Variants in ROBO2 observed in about 807,000 individuals in gnomAD.
ROBO2 encodes the protein roundabout guidance receptor 2, also known as roundabout homolog 2.
In ROBO2, 53 loss-of-function variants were observed where a neutral mutation model predicts 160.8. The ratio of observed to expected loss-of-function variants is 0.33; its 90% confidence interval spans 0.26 to 0.41. ROBO2 has a LOEUF of 0.41. ROBO2 is among the 10% of genes least tolerant of loss of function. The pLI is 1.00. For synonymous variants in ROBO2, 664 were observed against 611.7 expected (o/e 1.09, Z -1.26); for missense variants, 1,577 against 1,722.4 (o/e 0.92, Z 1.49).
chr3:77,539,764 A>C (rs2092369136), intron 6 of ROBO2, among the ~76,000 whole-genome samples: 1 of 152,202 alleles, frequency 6.6e-6, no homozygotes, highest in African/African-American at 2.4e-5. Flanking sequence ...TAAGGAAGTC[A>C]GACATATAGG....
intron 2 of ROBO2, among the ~76,000 whole-genome samples, chr3:76,347,937 T>C (rs928474254): frequency 1.3e-5 from 2 of 152,166 alleles, no homozygotes; most frequent in Admixed American, 1.3e-4. Flanking sequence ...GATTGGACTT[T>C]CAACTATTCA....
At chr3:77,207,699 C>T (rs927752384) in intron 2 of ROBO2, among the ~76,000 whole-genome samples, 7 of 152,226 alleles carry the variant, frequency 4.6e-5, no homozygotes, top group Admixed American at 1.3e-4. Flanking sequence ...ATAGAGGTAA[C>T]GTTCCAGTGA....
At chr3:76,420,501 C>T (rs9875646) in intron 2 of ROBO2, among the ~76,000 whole-genome samples, 41,189 of 152,002 alleles carry the variant, frequency 0.27, 9,038 homozygotes, top group African/African-American at 0.6. Context: ...ATATAAGCAA[C>T]GTTTTTGATT....
At chr3:76,166,756 T>C (rs1452816810) in intron 2 of ROBO2, among the ~76,000 whole-genome samples, 2 of 152,162 alleles carry the variant, frequency 1.3e-5, no homozygotes, top group Non-Finnish European at 2.9e-5. Context: ...TTGACTCTTG[T>C]TTTAAGGAAA....
intron 2 of ROBO2, among the ~76,000 whole-genome samples, chr3:77,196,023 A>C (rs1362055511): frequency 6.6e-6 from 1 of 152,176 alleles, no homozygotes; most frequent in Non-Finnish European, 1.5e-5. Flanking sequence ...GATTCGGACT[A>C]GGGGGCATCA....
chr3:77,447,990 G>A (rs138215004), intron 2 of ROBO2, among the ~76,000 whole-genome samples: 1 of 152,186 alleles, frequency 6.6e-6, no homozygotes, highest in East Asian at 1.9e-4. Flanking sequence ...TCAAGCTATG[G>A]TAGGCAGAGC....
intron 2 of ROBO2, among the ~76,000 whole-genome samples, chr3:76,046,603 G>A (rs1211326138): frequency 6.6e-6 from 1 of 151,824 alleles, no homozygotes; most frequent in Non-Finnish European, 1.5e-5. Context: ...AGCCGAGATC[G>A]CGCCACTGCA....
intron 2 of ROBO2, among the ~76,000 whole-genome samples, chr3:76,262,603 A>G (rs1706840208): frequency 6.6e-6 from 1 of 152,090 alleles, no homozygotes; most frequent in African/African-American, 2.4e-5. Context: ...GGTTGTCCCT[A>G]AAGCTGGATG....
chr3:75,986,211 G>GTTT (rs74843598), intron 2 of ROBO2, among the ~76,000 whole-genome samples: 1 of 149,930 alleles, frequency 6.7e-6, no homozygotes, highest in East Asian at 2.0e-4. Flanking sequence ...GTTATTTTCT[G>GTTT]TTTTTTTTTA....
intron 5 of ROBO2, among the ~76,000 whole-genome samples, chr3:77,513,776 G>T (rs1244626928): frequency 1.3e-5 from 2 of 151,652 alleles, no homozygotes; most frequent in African/African-American, 2.4e-5. Context: ...TGTCACAGCT[G>T]GTTACCAATC....
At chr3:76,834,059 T>C (rs981219984) in intron 2 of ROBO2, among the ~76,000 whole-genome samples, 1 of 113,580 alleles carries the variant, frequency 8.8e-6, no homozygotes, top group Non-Finnish European at 1.8e-5. Context: ...TCTCCTTTCT[T>C]TCTTTTCTTT....
At chr3:75,957,538 A>G (rs1390530133) in intron 2 of ROBO2, among the ~76,000 whole-genome samples, 1 of 151,028 alleles carries the variant, frequency 6.6e-6, no homozygotes, top group Non-Finnish European at 1.5e-5. Flanking sequence ...TTCAGTATCC[A>G]CTTTAAAGTC....
intron 2 of ROBO2, among the ~76,000 whole-genome samples, chr3:77,296,348 ATAAAGTAAAATTGAC>A (rs1448658386): frequency 6.6e-6 from 1 of 152,118 alleles, no homozygotes; most frequent in Non-Finnish European, 1.5e-5. Flanking sequence ...CACCCCAGAC[ATAAAGTAAAATTGAC>A]GGTTAAACGG....
intron 2 of ROBO2, among the ~76,000 whole-genome samples, chr3:76,571,068 G>C (rs1320430522): frequency 3.3e-5 from 5 of 152,124 alleles, no homozygotes; most frequent in Admixed American, 2.6e-4. Context: ...TTGCACAGGT[G>C]ATATGAAATT....
intron 2 of ROBO2, among the ~76,000 whole-genome samples, chr3:76,735,781 A>G (rs1180192886): frequency 1.9e-5 from 1 of 51,594 alleles, no homozygotes; most frequent in Non-Finnish European, 3.8e-5. Flanking sequence ...AAAAAGAAAA[A>G]AAAAAGGGGA....
chr3:77,644,985 T>G (rs1381832624), intron 25 of ROBO2, 81 bp downstream of exon 27: 1 of 1,399,892 alleles, frequency 7.1e-7, no homozygotes, highest in Non-Finnish European at 1.0e-6. Flanking sequence ...TAAACAAATT[T>G]CAGATTAATA....
chr3:77,188,247 C>T (rs1174616624), intron 2 of ROBO2, among the ~76,000 whole-genome samples: 1 of 143,266 alleles, frequency 7.0e-6, no homozygotes, highest in African/African-American at 3.0e-5. Flanking sequence ...ACTAAATGGA[C>T]TTACAAACAT....
At chr3:77,181,646 A>C (rs1208332023) in intron 2 of ROBO2, among the ~76,000 whole-genome samples, 2 of 152,134 alleles carry the variant, frequency 1.3e-5, no homozygotes, top group Non-Finnish European at 2.9e-5. Context: ...GATTTAACCA[A>C]ATAAAATGTT....
At chr3:76,811,614 G>A (rs2065162520) in intron 2 of ROBO2, among the ~76,000 whole-genome samples, 1 of 152,090 alleles carries the variant, frequency 6.6e-6, no homozygotes, top group African/African-American at 2.4e-5. Context: ...TTTTAGCTCT[G>A]GGCCTTGTGT....
Sources: allele counts gnomAD v4.1 joint callset (sites outside exome capture counted in the v4.1 genomes callset), GRCh38; gene constraint gnomAD v4.1.1; transcripts MANE v1.5; gene names NCBI Gene and HGNC (gene_info 2026-07-23, HGNC 2026-07-21).